Variants in FKTN observed in about 807,000 individuals in gnomAD.
The protein encoded by FKTN is fukutin.
Under a neutral mutation model 58.6 loss-of-function variants are expected in FKTN, and 47 were observed. The ratio of observed to expected loss-of-function variants is 0.80; its 90% CI spans 0.63 to 1.02. The LOEUF (loss-of-function observed/expected upper bound fraction) is 1.02, where lower values mean the gene tolerates loss of function less well. Among genes scored for constraint, FKTN ranks in the 50% least tolerant of loss-of-function variants. The pLI is 0.00. For synonymous variants in FKTN, 178 were observed against 191.9 expected (o/e 0.93, Z 0.60); for missense variants, 516 against 537.3 (o/e 0.96, Z 0.39).
chr9:105,599,446 T>C (rs1827437436), intron 4 of FKTN, among the ~76,000 whole-genome samples: 1 of 151,756 alleles, frequency 6.6e-6, no homozygotes, highest in South Asian at 2.1e-4. Context: ...GGACTATACT[T>C]TTTTTTGTAA....
intron 5 of FKTN, among the ~76,000 whole-genome samples, chr9:105,603,403 G>C (rs1828253161): frequency 6.6e-6 from 1 of 152,176 alleles, no homozygotes; most frequent in South Asian, 2.1e-4. Context: ...TTGTCTTACA[G>C]TATGTTTGTT....
At chr9:105,563,743 A>C (rs1403311793) in intron 1 of FKTN, among the ~76,000 whole-genome samples, 1 of 152,200 alleles carries the variant, frequency 6.6e-6, no homozygotes, top group African/African-American at 2.4e-5. Flanking sequence ...ATAGCCAAAC[A>C]AAAGGCAGCA....
rs920239566 is a variant in FKTN, at chr9:105,639,997, T to A, written c.*4733T>A. 1.1e-5 allele frequency: 16 copies of A among 1,516,574 alleles called. No homozygotes were observed. In the African/African-American group the frequency reaches 1.9e-4, roughly 18 times the overall value. The allele number at this position is 1,516,574 out of a possible 1,614,324, so 93.9% of individuals were successfully genotyped here. ...GAAATCTGGAATACTTAATTTCATT[T>A]AATTATCTATGCTGATGAATGCCTG... On this transcript the variant is annotated 3_prime_UTR_variant, in exon 11 of 11. Transcript: ENST00000357998.
chr9:105,611,290 T>C (rs1284692938), intron 7 of FKTN, among the ~76,000 whole-genome samples: 2 of 152,228 alleles, frequency 1.3e-5, no homozygotes, highest in African/African-American at 4.8e-5. Flanking sequence ...ATTTTGTCTT[T>C]TTTTAGAGGT....
At chr9:105,616,099 T>C (rs917767482) in intron 8 of FKTN, among the ~76,000 whole-genome samples, 1 of 152,220 alleles carries the variant, frequency 6.6e-6, no homozygotes, top group Non-Finnish European at 1.5e-5. Context: ...GATTTAACAC[T>C]TCTGAATTGT....
chr9:105,577,087 G>C lies in FKTN; in HGVS notation c.105+1950G>C, dbSNP rs1841873147. Among the ~76,000 whole-genome samples, 7 of 137,822 alleles carry C rather than the reference G, an allele frequency of 5.1e-5. No individual in the cohort carries two copies. In the South Asian group the frequency reaches 1.6e-3, roughly 31 times the overall value. The allele number at this position is 137,822 out of a possible 152,430, so 90.4% of individuals were successfully genotyped here. A position where few individuals can be genotyped will look rare whatever the true frequency, so the allele number is the denominator to read the frequency against. On this transcript the variant is annotated intron_variant, in intron 3 of 10. Transcript: ENST00000357998. ...ATATTAGCCCTTTGTCAGATGAGTA[G>C]GTTGCAAAAATTTTCTCCCATTTTG... is the stretch of plus-strand genomic sequence containing the variant.
chr9:105,561,475 C>G (rs1000888611), intron 1 of FKTN, among the ~76,000 whole-genome samples: 1 of 152,086 alleles, frequency 6.6e-6, no homozygotes, highest in Non-Finnish European at 1.5e-5. Context: ...ATAAAAGCAC[C>G]TACACTCCTC....
At position 105,637,895 on chromosome 9, in the gene FKTN, C is replaced by G. The variant is rs1834152049; in HGVS notation, c.*2631C>G. On this transcript the variant is annotated 3_prime_UTR_variant, in exon 11 of 11. Transcript: ENST00000357998. Reference sequence around the variant, plus strand: ...TAAAACCATAGTTCCTAAAATTGAGCATCCCTAAGAGTAGCTGCTTGGTGG... The same window carrying G: ...TAAAACCATAGTTCCTAAAATTGAGGATCCCTAAGAGTAGCTGCTTGGTGG... 4 of 985,246 alleles carry G rather than the reference C, an allele frequency of 4.1e-6. No individual in the cohort carries two copies. In the South Asian group the frequency reaches 1.4e-4, roughly 35 times the overall value. The allele number at this position is 985,246 out of a possible 1,614,324, so 61.0% of individuals were successfully genotyped here. A position where few individuals can be genotyped will look rare whatever the true frequency, so the allele number is the denominator to read the frequency against.
chr9:105,607,657 G>A (rs1285346719), intron 6 of FKTN, among the ~76,000 whole-genome samples, 162 bp from the exon 7 acceptor site: 2 of 151,884 alleles, frequency 1.3e-5, no homozygotes, highest in African/African-American at 2.4e-5. Context: ...TGTACTGAAC[G>A]TGCAGGTTTG....
intron 3 of FKTN, among the ~76,000 whole-genome samples, chr9:105,587,357 T>C (rs1204652578): frequency 6.6e-6 from 1 of 152,192 alleles, no homozygotes; most frequent in Non-Finnish European, 1.5e-5. Context: ...GCAGTAGTCA[T>C]TCACAGTGAG....
intron 1 of FKTN, among the ~76,000 whole-genome samples, chr9:105,569,218 A>G (rs1423834987): frequency 5.9e-5 from 9 of 152,142 alleles, no homozygotes; most frequent in Non-Finnish European, 8.8e-5. Flanking sequence ...CAGCACACCA[A>G]CATGGCACAT....
At chr9:105,631,656 C>T (rs1358103497) in intron 10 of FKTN, among the ~76,000 whole-genome samples, 18 of 151,830 alleles carry the variant, frequency 1.2e-4, no homozygotes. Flanking sequence ...AGCCAAAAAA[C>T]ACATGAAAAA....
intron 10 of FKTN, among the ~76,000 whole-genome samples, chr9:105,631,463 C>A (rs1833435134): frequency 6.6e-6 from 1 of 152,060 alleles, no homozygotes; most frequent in Non-Finnish European, 1.5e-5. Flanking sequence ...TTAAAAAAGC[C>A]AGGTTCGGGA....
At chr9:105,574,399 T>A (rs1015362576) in intron 2 of FKTN, 21 of 152,150 alleles carry the variant, frequency 1.4e-4, no homozygotes, top group African/African-American at 4.3e-4. Flanking sequence ...AGACCTAAGA[T>A]GAAAGAACAA....
At chr9:105,590,896 T>G (rs1844747463) in intron 3 of FKTN, among the ~76,000 whole-genome samples, 1 of 139,002 alleles carries the variant, frequency 7.2e-6, no homozygotes, top group South Asian at 2.1e-4. Context: ...CTCAGGAAAC[T>G]TACAATCGTG....
chr9:105,639,702 C>A lies in FKTN; in HGVS notation c.*4438C>A, dbSNP rs1834294196. On this transcript the variant is annotated 3_prime_UTR_variant, in exon 11 of 11. Transcript: ENST00000357998. Reference sequence around the variant, plus strand: ...ATACATTAATTATATTACATTAATACAATATATGGTTTGTGAATTCAGAGA... The same window carrying A: ...ATACATTAATTATATTACATTAATAAAATATATGGTTTGTGAATTCAGAGA... The A allele has an allele frequency of 1.1e-6, 1 of 930,272 alleles. No individual in the cohort carries two copies. 57.6% of individuals were successfully genotyped at this position (930,272 alleles called of 1,614,324 possible). A position where few individuals can be genotyped will look rare whatever the true frequency, so the allele number is the denominator to read the frequency against.
chr9:105,623,584 T>C (rs781478553), intron 10 of FKTN, among the ~76,000 whole-genome samples: 1 of 152,222 alleles, frequency 6.6e-6, no homozygotes, highest in Non-Finnish European at 1.5e-5. Context: ...TTCTGATTAT[T>C]GGATAGATCT....
chr9:105,636,104 C>T lies in FKTN; in HGVS notation c.*840C>T, dbSNP rs1300517620. On this transcript the variant is annotated 3_prime_UTR_variant, in exon 11 of 11. Transcript: ENST00000357998. ...TCACAAAACTCATTTTTATTTTATT[C>T]TCAGACAGTCTGTTAGGTAAAAATA... 1 of 977,220 alleles carries T rather than the reference C, an allele frequency of 1.0e-6. No homozygotes were observed. The highest frequency in any genetic ancestry group is 1.8e-5 in the African/African-American group (1 of 57,018). The allele number at this position is 977,220 out of a possible 1,614,324, so 60.5% of individuals were successfully genotyped here.
intron 3 of FKTN, among the ~76,000 whole-genome samples, chr9:105,592,379 C>G (rs1261652150): frequency 2.0e-5 from 3 of 152,154 alleles, no homozygotes; most frequent in Non-Finnish European, 4.4e-5. Context: ...TGGCTCATGC[C>G]TATAATCTCA....
Sources: allele counts gnomAD v4.1 joint callset (sites outside exome capture counted in the v4.1 genomes callset), GRCh38; gene constraint gnomAD v4.1.1; transcripts MANE v1.5; gene names NCBI Gene and HGNC (gene_info 2026-07-23, HGNC 2026-07-21).